COL17A1: variants seen among roughly 807,000 people sequenced by gnomAD.
COL17A1 encodes the protein collagen alpha-1(XVII) chain.
Under a neutral mutation model 218.4 loss-of-function variants are expected in COL17A1, and 181 were observed. That is an observed-to-expected ratio of 0.83 (90% CI 0.73 to 0.94). The LOEUF (loss-of-function observed/expected upper bound fraction) is 0.94. Among genes scored for constraint, COL17A1 ranks in the 40% least tolerant of loss-of-function variants. The pLI is 0.00. For missense variants in COL17A1, 1,924 were observed against 1,945.9 expected, an observed-to-expected ratio of 0.99 and a Z score of 0.21; for synonymous variants, 721 against 731.0, an observed-to-expected ratio of 0.99 and a Z score of 0.22.
rs908063736 is a variant in COL17A1 at position 104,034,743 on chromosome 10, C to T, written c.3644G>A (p.Gly1215Asp). 4 of 1,612,372 alleles carry T rather than the reference C, an allele frequency of 2.5e-6. No homozygotes were observed. Among genetic ancestry groups the T allele is most frequent in the Non-Finnish European group, 3.4e-6 (4 of 1,179,618 alleles). The change falls in exon 51 of 56, where the codon GGC (glycine) becomes GAC (aspartate). Residue 1215 changes from glycine to aspartate, a missense_variant. Physicochemically the swap from Gly to Asp is moderately conservative, Grantham distance 94. Transcript: ENST00000648076. ...TGGGGGACCAGGAGGTCCTGGAGGG[C>T]CTGGGATGAATGACAAGCCGGCAGC... is the stretch of plus-strand genomic sequence containing the variant. ...LHTAGLSFIP[G>D]PPGPPGPPGP...
At position 104,063,600 on chromosome 10, in the gene COL17A1, G is replaced by A. The variant is rs2086601398; in HGVS notation, c.838+147C>T. On this transcript the variant is annotated intron_variant, in intron 11 of 55. Coordinates refer to ENST00000648076, the MANE Select transcript of COL17A1 (RefSeq NM_000494.4). ...CCCTTGGGGTCTGAGTTCTCCCTGTGGTTGAAGGCAGGTTCTGTGCAACCC... is the reference window on the plus strand; with the variant it reads ...CCCTTGGGGTCTGAGTTCTCCCTGTAGTTGAAGGCAGGTTCTGTGCAACCC... The A allele has an allele frequency of 2.4e-6, 3 of 1,271,638 alleles. No homozygotes were observed. In the South Asian group the frequency reaches 3.8e-5, roughly 16 times the overall value. The allele number at this position is 1,271,638 out of a possible 1,614,324, so 78.8% of individuals were successfully genotyped here. A position where few individuals can be genotyped will look rare whatever the true frequency, so the allele number is the denominator to read the frequency against.
chr10:104,046,982 C>T (rs562138437), intron 31 of COL17A1, among the ~76,000 whole-genome samples: 1 of 152,314 alleles, frequency 6.6e-6, no homozygotes, highest in African/African-American at 2.4e-5. Flanking sequence ...AAGCGACCCA[C>T]CACTTTCTCA....
intron 1 of COL17A1, among the ~76,000 whole-genome samples, chr10:104,085,145 C>T (rs1794925401): frequency 1.3e-5 from 2 of 152,094 alleles, no homozygotes; most frequent in South Asian, 4.1e-4. Context: ...CTGAATTAAT[C>T]AGATCATTTC....
At chr10:104,076,556 G>A in intron 4 of COL17A1, 127 bp from the exon 5 acceptor site, 1 of 1,237,528 alleles carries the variant, frequency 8.1e-7, no homozygotes, top group Non-Finnish European at 1.2e-6. Context: ...AGCTGAAAGG[G>A]GCCACCTCAG....
At chr10:104,077,392 C>T (rs777700796) in intron 4 of COL17A1, 30 bp downstream of exon 4, 86 of 1,562,922 alleles carry the variant, frequency 5.5e-5, no homozygotes, top group Non-Finnish European at 6.8e-5. Context: ...ACCCATTCTT[C>T]CCTGACCTCT....
Position 104,083,154 on chromosome 10 carries a change from C to T in COL17A1, c.-11-2470G>A, listed in dbSNP as rs539571757. ...GAGAGTGATGGCGTGGGGCACAAGC[C>T]TGGACTAGGATCTTCCCATGGGACC... is the stretch of plus-strand genomic sequence containing the variant. On this transcript the variant is annotated intron_variant, in intron 1 of 55. Transcript: ENST00000648076. 5.3e-5 allele frequency among the ~76,000 whole-genome samples: 8 copies of T among 152,326 alleles called. No homozygotes were observed. The East Asian group carries it at 1.2e-3, about 22-fold the overall frequency.
At chr10:104,050,789 A>T in intron 26 of COL17A1, 59 bp downstream of exon 26, 2 of 1,614,114 alleles carry the variant, frequency 1.2e-6, no homozygotes, top group African/African-American at 2.7e-5. Flanking sequence ...CAGCCTGCAT[A>T]GGCTGTGGGT....
chr10:104,074,029 A>C, intron 6 of COL17A1, 155 bp downstream of exon 6: 1 of 1,178,940 alleles, frequency 8.5e-7, no homozygotes, highest in Non-Finnish European at 1.3e-6. Flanking sequence ...GCTTCAGGAT[A>C]AAAAGCAAGG....
chr10:104,054,066 C>T, intron 21 of COL17A1, 26 bp downstream of exon 21: 2 of 1,613,462 alleles, frequency 1.2e-6, no homozygotes, highest in Non-Finnish European at 1.7e-6. Context: ...CACTGGCAGG[C>T]CTGGAGGTCA....
At chr10:104,039,325 C>T (rs1270912258) in intron 43 of COL17A1, 120 bp downstream of exon 43, 5 of 1,212,038 alleles carry the variant, frequency 4.1e-6, no homozygotes. Context: ...TTCCTCCAGC[C>T]TCTTCTCTCT....
intron 1 of COL17A1, among the ~76,000 whole-genome samples, chr10:104,085,345 G>A (rs909988851): frequency 2.6e-5 from 4 of 152,166 alleles, no homozygotes; most frequent in Non-Finnish European, 5.9e-5. Flanking sequence ...AGAGGGAAGA[G>A]GAGAGCAAGA....
At chr10:104,055,061 T>A in intron 19 of COL17A1, 54 bp from the exon 20 acceptor site, 1 of 1,612,436 alleles carries the variant, frequency 6.2e-7, no homozygotes, top group Non-Finnish European at 8.5e-7. Context: ...CCAAAGGCCA[T>A]ACTCTGCCTT....
chr10:104,067,463 G>A (rs553692834), intron 9 of COL17A1, among the ~76,000 whole-genome samples: 1 of 152,238 alleles, frequency 6.6e-6, no homozygotes, highest in African/African-American at 2.4e-5. Flanking sequence ...AAAGTTGATG[G>A]ATGGAATAAA....
At chr10:104,039,213 T>C in intron 43 of COL17A1, 92 bp from the exon 44 acceptor site, 1 of 1,312,582 alleles carries the variant, frequency 7.6e-7, no homozygotes, top group Non-Finnish European at 1.1e-6. Flanking sequence ...GTCTCAACAA[T>C]CGTCCCATGT....
rs371780213 is a variant in COL17A1 at position 104,040,050 on chromosome 10, G to T, written c.2762-51C>A. ...GAGACAGGTACCAACCAGGTGTTGT[G>T]GTTTCAATGGGCCCATGGAGGAGGG... On this transcript the variant is annotated intron_variant, in intron 40 of 55. Coordinates refer to ENST00000648076, the MANE Select transcript of COL17A1 (RefSeq NM_000494.4). The T allele has an allele frequency of 5.2e-4, 834 of 1,601,176 alleles. 1 individual carries two copies. Among genetic ancestry groups the T allele is most frequent in the Non-Finnish European group, 6.5e-4 (761 of 1,168,376 alleles).
At chr10:104,070,776 A>T (rs146799718) in intron 8 of COL17A1, among the ~76,000 whole-genome samples, 31 of 152,332 alleles carry the variant, frequency 2.0e-4, no homozygotes, top group African/African-American at 6.7e-4. Context: ...ATTAGCCTCA[A>T]AAATCTTCTG....
chr10:104,039,556 G>C, intron 42 of COL17A1, 37 bp from the exon 43 acceptor site: 1 of 1,614,108 alleles, frequency 6.2e-7, no homozygotes, highest in South Asian at 1.1e-5. Flanking sequence ...AGTCAGCCAG[G>C]GTTTGGAGAG....
Position 104,057,150 on chromosome 10 carries a change from A to T in COL17A1, c.1290T>A (p.Ser430Arg), listed in dbSNP as rs781334826. 4 of 1,613,806 alleles carry T rather than the reference A, an allele frequency of 2.5e-6. No individual in the cohort carries two copies. In the East Asian group the frequency reaches 8.9e-5, roughly 36 times the overall value. ...CACCTCCTCCACTGCCACCACCACC[A>T]CTGCTGCCGTAGCTGTGGATATCTG... ...TTADIHSYGS[S>R]GGGGSGGGGG... The change falls in exon 17 of 56, where the codon AGT becomes AGA. Residue 430 changes from serine to arginine, a missense_variant. Coordinates refer to ENST00000648076, the MANE Select transcript of COL17A1 (RefSeq NM_000494.4).
intron 1 of COL17A1, among the ~76,000 whole-genome samples, chr10:104,083,277 A>G (rs1221907328): frequency 6.6e-6 from 1 of 152,172 alleles, no homozygotes; most frequent in Non-Finnish European, 1.5e-5. Flanking sequence ...GCCCAGGTAC[A>G]TGCCTGAGCC....
Sources: gnomAD v4.1 joint callset for allele counts (sites outside exome capture counted in the v4.1 genomes callset) on GRCh38, gnomAD v4.1.1 for gene constraint, MANE v1.5 for transcripts, NCBI Gene and HGNC (gene_info 2026-07-23, HGNC 2026-07-21) for gene names.